AKR1C8: variants seen among roughly 807,000 people sequenced by gnomAD.
AKR1C8 encodes the protein aldo-keto reductase family 1 member C8.
At chr10:5,153,237 A>ATTT in the AKR1C8 span, among the ~76,000 whole-genome samples, 1 of 139,164 alleles carries the variant, frequency 7.2e-6, no homozygotes, top group Non-Finnish European at 1.6e-5. Flanking sequence ...AGTTTTGCTT[A>ATTT]ATAAATGAAT....
the AKR1C8 span, among the ~76,000 whole-genome samples, chr10:5,133,291 T>C: frequency 1.3e-5 from 2 of 151,992 alleles, no homozygotes; most frequent in African/African-American, 2.4e-5. Context: ...AGGTACGGGG[T>C]TTCGCTATGT....
the AKR1C8 span, among the ~76,000 whole-genome samples, chr10:5,145,725 T>C: frequency 6.6e-6 from 1 of 152,046 alleles, no homozygotes; most frequent in East Asian, 1.9e-4. Flanking sequence ...TGTGGAGAAA[T>C]AGGAACACTT....
At chr10:5,165,264 T>G in the AKR1C8 span, among the ~76,000 whole-genome samples, 1,273 of 150,460 alleles carry the variant, frequency 8.5e-3, 16 homozygotes, top group African/African-American at 0.029. Context: ...AGCAAATTAG[T>G]TTTTTTTCCA....
the AKR1C8 span, among the ~76,000 whole-genome samples, chr10:5,165,360 T>A: frequency 2.6e-5 from 4 of 152,168 alleles, no homozygotes; most frequent in African/African-American, 9.7e-5. Flanking sequence ...AGTTTTTGCC[T>A]AACATTTCAG....
chr10:5,159,237 A>G, the AKR1C8 span, among the ~76,000 whole-genome samples: 2 of 152,236 alleles, frequency 1.3e-5, no homozygotes, highest in African/African-American at 2.4e-5. Context: ...TTCGCATGGC[A>G]TTAATCAAGT....
At chr10:5,146,838 A>G in the AKR1C8 span, among the ~76,000 whole-genome samples, 5,029 of 152,244 alleles carry the variant, frequency 0.033, 278 homozygotes, top group African/African-American at 0.12. Flanking sequence ...TTATCTTCTC[A>G]AATGGAAAGC....
At chr10:5,132,846 C>G in the AKR1C8 span, 1 of 596,156 alleles carries the variant, frequency 1.7e-6, no homozygotes, top group South Asian at 2.3e-5. Flanking sequence ...ATGACCCTCA[C>G]AAAAATCACA....
the AKR1C8 span, among the ~76,000 whole-genome samples, chr10:5,142,920 A>T: frequency 6.6e-6 from 1 of 152,080 alleles, no homozygotes; most frequent in Non-Finnish European, 1.5e-5. Context: ...TCCTTTTTTA[A>T]AAAAATACAG....
At chr10:5,177,509 G>A in the AKR1C8 span, among the ~76,000 whole-genome samples, 78 of 152,262 alleles carry the variant, frequency 5.1e-4, no homozygotes, top group Admixed American at 5.0e-3. Flanking sequence ...GAGTTAGGGA[G>A]GCTTCCTTCT....
the AKR1C8 span, among the ~76,000 whole-genome samples, chr10:5,164,584 A>G: frequency 6.6e-6 from 1 of 152,150 alleles, no homozygotes; most frequent in Non-Finnish European, 1.5e-5. Flanking sequence ...AAGAGCAAAC[A>G]AAACACTGGG....
the AKR1C8 span, among the ~76,000 whole-genome samples, chr10:5,136,334 G>C: frequency 6.6e-6 from 1 of 152,072 alleles, no homozygotes; most frequent in Non-Finnish European, 1.5e-5. Context: ...GATCACTTGA[G>C]ATCCAGTGTT....
the AKR1C8 span, among the ~76,000 whole-genome samples, chr10:5,118,518 T>C: frequency 6.6e-6 from 1 of 152,116 alleles, no homozygotes; most frequent in Non-Finnish European, 1.5e-5. Flanking sequence ...GAGTAGTATC[T>C]TTAGTTTTTA....
chr10:5,119,679 T>A, the AKR1C8 span, among the ~76,000 whole-genome samples: 2 of 152,190 alleles, frequency 1.3e-5, no homozygotes, highest in African/African-American at 4.8e-5. Context: ...CTCTGCTTTC[T>A]AATCCCCTCA....
At chr10:5,146,881 G>A in the AKR1C8 span, among the ~76,000 whole-genome samples, 1 of 152,170 alleles carries the variant, frequency 6.6e-6, no homozygotes, top group African/African-American at 2.4e-5. Flanking sequence ...TGATTATCGG[G>A]TATTAAGATC....
At chr10:5,138,627 A>G in the AKR1C8 span, among the ~76,000 whole-genome samples, 2 of 152,152 alleles carry the variant, frequency 1.3e-5, no homozygotes, top group East Asian at 3.9e-4. Context: ...ATTAAAGTAA[A>G]GACAGGCATA....
the AKR1C8 span, among the ~76,000 whole-genome samples, chr10:5,181,473 G>C: frequency 6.6e-6 from 1 of 152,122 alleles, no homozygotes; most frequent in Non-Finnish European, 1.5e-5. Context: ...TATTCGACAG[G>C]CTTCCCAAAA....
At chr10:5,128,020 G>C in the AKR1C8 span, among the ~76,000 whole-genome samples, 3 of 152,068 alleles carry the variant, frequency 2.0e-5, no homozygotes, top group African/African-American at 7.2e-5. Context: ...ATAATCCTAA[G>C]AGAGGTGAGA....
At chr10:5,179,474 A>T in the AKR1C8 span, among the ~76,000 whole-genome samples, 1 of 151,974 alleles carries the variant, frequency 6.6e-6, no homozygotes, top group Admixed American at 6.6e-5. Flanking sequence ...TGCTCTTCTC[A>T]AGGAGTACCT....
chr10:5,120,594 A>C, the AKR1C8 span, among the ~76,000 whole-genome samples: 1 of 152,126 alleles, frequency 6.6e-6, no homozygotes, highest in Admixed American at 6.6e-5. Context: ...GAATAGGGTC[A>C]CAGAGATGAG....
Sources: gnomAD v4.1 joint callset for allele counts (sites outside exome capture counted in the v4.1 genomes callset) on GRCh38, gnomAD v4.1.1 for gene constraint, MANE v1.5 for transcripts, NCBI Gene and HGNC (gene_info 2026-07-23, HGNC 2026-07-21) for gene names.